The following LMAN2L variants were observed in gnomAD, a reference collection of about 807,000 sequenced individuals.
LMAN2L encodes lectin, mannose binding 2 like, also known as VIP36-like protein.
Under a neutral mutation model 44.3 loss-of-function variants are expected in LMAN2L, and 30 were observed. The ratio of observed to expected loss-of-function variants is 0.68; its 90% CI spans 0.51 to 0.92. LMAN2L has a LOEUF of 0.92. Ranked by LOEUF, LMAN2L falls within the 40% of genes least tolerant of loss-of-function variation. The probability of loss-of-function intolerance (pLI) is 0.00; values close to 1 mark genes in which losing one functional copy is unlikely to be tolerated. For missense variants in LMAN2L, 429 were observed against 446.1 expected, an observed-to-expected ratio of 0.96 and a Z score of 0.35; for synonymous variants, 183 against 171.1, an observed-to-expected ratio of 1.07 and a Z score of -0.54.
intron 4 of LMAN2L, among the ~76,000 whole-genome samples, chr2:96,726,614 C>G (rs770635751): frequency 7.2e-5 from 11 of 151,736 alleles, no homozygotes; most frequent in Non-Finnish European, 1.6e-4. Flanking sequence ...AAACTCCCGT[C>G]ACTACTAAAA....
Position 96,738,035 on chromosome 2 carries a change from G to C in LMAN2L, c.220C>G (p.Leu74Val), listed in dbSNP as rs1473679867. The change falls in exon 2 of 8, where the codon CTG (leucine) becomes GTG (valine). Residue 74 changes from leucine (L) to valine (V), a missense_variant. Physicochemically the swap from Leu to Val is conservative, Grantham distance 32. Coordinates refer to ENST00000264963, the MANE Select transcript of LMAN2L (RefSeq NM_030805.4). ...VGTGSSSLWN[L>V]MGNAMVMTQY... The stretch of plus-strand genomic sequence containing the variant: ...GTCATCACCATGGCATTGCCCATCA[G>C]ATTCCACAGTGAGGAACTGCCTGTG... 1.2e-6 allele frequency: 2 copies of C among 1,614,032 alleles called. No homozygotes were observed. Among genetic ancestry groups the C allele is most frequent in the Non-Finnish European group, 1.7e-6 (2 of 1,179,908 alleles).
At chr2:96,727,066 A>G (rs2078286844) in intron 4 of LMAN2L, among the ~76,000 whole-genome samples, 1 of 152,132 alleles carries the variant, frequency 6.6e-6, no homozygotes, top group Non-Finnish European at 1.5e-5. Flanking sequence ...CTCAGGTGAC[A>G]GAGCGAGACT....
intron 4 of LMAN2L, among the ~76,000 whole-genome samples, chr2:96,731,609 C>T (rs2078399160): frequency 6.6e-6 from 1 of 151,882 alleles, no homozygotes; most frequent in South Asian, 2.1e-4. Context: ...GAGATTGCAC[C>T]ACTGCACTCC....
intron 6 of LMAN2L, among the ~76,000 whole-genome samples, chr2:96,710,947 A>G (rs1296943151): frequency 6.6e-6 from 1 of 152,220 alleles, no homozygotes; most frequent in Non-Finnish European, 1.5e-5. Flanking sequence ...TGTATAAACG[A>G]GAAGCTACGA....
chr2:96,732,301 T>A (rs1181862274), intron 4 of LMAN2L, among the ~76,000 whole-genome samples: 1 of 151,972 alleles, frequency 6.6e-6, no homozygotes, highest in African/African-American at 2.4e-5. Flanking sequence ...TTTCCCACCA[T>A]CTGATGGCAG....
In LMAN2L at chr2:96,738,018, C is replaced by T. The variant is rs1253808539; in HGVS notation, c.237G>A (p.Met79Ile). ...SSLWNLMGNA[M>I]VMTQYIRLTP... ...TAAGGCGGATATACTGGGTCATCAC[C>T]ATGGCATTGCCCATCAGATTCCACA... Residue 79 changes from methionine to isoleucine, a missense_variant, in exon 2 of 8, where the codon ATG (methionine) becomes ATA (isoleucine). Physicochemically the swap from Met to Ile is conservative, Grantham distance 10. Coordinates refer to ENST00000264963, the MANE Select transcript of LMAN2L (RefSeq NM_030805.4). 1.9e-6 allele frequency: 3 copies of T among 1,614,002 alleles called. No individual in the cohort carries two copies. Among genetic ancestry groups the T allele is most frequent in the Non-Finnish European group, 2.5e-6 (3 of 1,179,996 alleles).
intron 4 of LMAN2L, among the ~76,000 whole-genome samples, chr2:96,717,171 G>GA (rs2078056041): frequency 6.6e-6 from 1 of 151,516 alleles, no homozygotes; most frequent in Admixed American, 6.6e-5. Flanking sequence ...TCTTAGTTCA[G>GA]AAAAAAAGAC....
At position 96,733,568 on chromosome 2, in the gene LMAN2L, C is replaced by G. The variant is rs773819723; in HGVS notation, c.458G>C (p.Gly153Ala). ...GTAGGTGTCTACAAATACTCCCAGC[C>G]CCACAAATTTGTCCATGTTTCCAAA... The part of the protein sequence containing the change: ...PVFGNMDKFV[G>A]LGVFVDTYPN... The change falls in exon 4 of 8, where the codon GGG becomes GCG. Residue 153 changes from glycine (G) to alanine (A), a missense_variant. Transcript: ENST00000264963. The G allele has an allele frequency of 1.9e-6, 3 of 1,613,948 alleles. No individual in the cohort carries two copies. The East Asian group carries it at 6.7e-5, about 36-fold the overall frequency.
At chr2:96,726,340 T>C (rs1435568617) in intron 4 of LMAN2L, among the ~76,000 whole-genome samples, 1 of 152,004 alleles carries the variant, frequency 6.6e-6, no homozygotes, top group Non-Finnish European at 1.5e-5. Flanking sequence ...CTTTCCAATC[T>C]GAATGTCTTT....
intron 6 of LMAN2L, among the ~76,000 whole-genome samples, chr2:96,711,108 C>T (rs1450746661): frequency 1.3e-5 from 2 of 152,134 alleles, no homozygotes; most frequent in African/African-American, 4.8e-5. Context: ...GAATAGAGTA[C>T]TGAATATGGC....
At chr2:96,712,930 C>T (rs186339762) in intron 4 of LMAN2L, among the ~76,000 whole-genome samples, 9 of 152,328 alleles carry the variant, frequency 5.9e-5, no homozygotes, top group African/African-American at 2.2e-4. Flanking sequence ...TGAGGCATGC[C>T]ACTCCTTTGG....
intron 1 of LMAN2L, 146 bp downstream of exon 1, chr2:96,739,708 C>G (rs2078593381): frequency 1.2e-6 from 1 of 805,916 alleles, no homozygotes; most frequent in Non-Finnish European, 2.0e-6. Context: ...CTGTGGCTCC[C>G]AAACGCGGAG....
At position 96,711,969 on chromosome 2, in the gene LMAN2L, A is replaced by C; in HGVS notation, c.564T>G (p.His188Gln). The change falls in exon 5 of 8, where the codon CAT (histidine) becomes CAG (glutamine). Residue 188 changes from histidine (H) to glutamine (Q), a missense_variant. Transcript: ENST00000264963. ...MVNNGSLSYD[H>Q]ERDGRPTELG... is the part of the protein sequence containing the mutation. ...GCTCTGTAGGCCGCCCATCCCGCTC[A>C]TGATCATAGCTGAGGGAGCCGTTGT... 1.2e-6 allele frequency: 2 copies of C among 1,614,188 alleles called. No homozygotes were observed. The highest frequency in any genetic ancestry group is 1.7e-6 in the Non-Finnish European group (2 of 1,180,030).
intron 4 of LMAN2L, among the ~76,000 whole-genome samples, chr2:96,719,597 A>AT (rs1170591222): frequency 7.5e-4 from 113 of 149,950 alleles, no homozygotes; most frequent in Non-Finnish European, 2.7e-4. Flanking sequence ...AAAAAAAAAA[A>AT]TTTTTTTTCT....
At chr2:96,726,849 C>A (rs914126751) in intron 4 of LMAN2L, among the ~76,000 whole-genome samples, 4 of 151,922 alleles carry the variant, frequency 2.6e-5, no homozygotes, top group African/African-American at 7.3e-5. Context: ...TTTGGGAGGT[C>A]GAGGCGGGCA....
At chr2:96,710,729 C>T (rs1216756852) in intron 6 of LMAN2L, among the ~76,000 whole-genome samples, 3 of 152,178 alleles carry the variant, frequency 2.0e-5, no homozygotes, top group African/African-American at 7.2e-5. Flanking sequence ...CCTCACTGAG[C>T]TGACATTTCC....
At chr2:96,732,042 A>G (rs2078409055) in intron 4 of LMAN2L, among the ~76,000 whole-genome samples, 14 of 152,012 alleles carry the variant, frequency 9.2e-5, no homozygotes, top group Admixed American at 9.2e-4. Flanking sequence ...TAGTGGAGAC[A>G]GGGTTTCATA....
chr2:96,713,107 C>A, intron 4 of LMAN2L: 1 of 1,551,182 alleles, frequency 6.4e-7, no homozygotes, highest in Non-Finnish European at 8.7e-7. Flanking sequence ...AACTGAGTAC[C>A]TGGACTCCTG....
intron 4 of LMAN2L, among the ~76,000 whole-genome samples, chr2:96,729,587 C>A (rs373810386): frequency 1.3e-5 from 2 of 151,948 alleles, no homozygotes; most frequent in East Asian, 3.9e-4. Context: ...TGGCTCACTG[C>A]AACCTCCGTC....
Sources: allele counts gnomAD v4.1 joint callset (sites outside exome capture counted in the v4.1 genomes callset), GRCh38; gene constraint gnomAD v4.1.1; transcripts MANE v1.5; gene names NCBI Gene and HGNC (gene_info 2026-07-23, HGNC 2026-07-21).